SOX5: variants seen among roughly 807,000 people sequenced by gnomAD.
The protein encoded by SOX5 is transcription factor SOX-5.
Under a neutral mutation model 92.0 loss-of-function variants are expected in SOX5, and 9 were observed. The ratio of observed to expected loss-of-function variants is 0.10; its 90% CI spans 0.06 to 0.17. SOX5 has a LOEUF of 0.17. Among genes scored for constraint, SOX5 ranks in the 10% least tolerant of loss-of-function variants. The pLI is 1.00. For synonymous variants in SOX5, 344 were observed against 336.3 expected, an observed-to-expected ratio of 1.02 and a Z score of -0.25; for missense variants, 642 against 944.5, an observed-to-expected ratio of 0.68 and a Z score of 4.20.
intron 4 of SOX5, among the ~76,000 whole-genome samples, chr12:23,754,207 C>T (rs188413083): frequency 9.8e-4 from 149 of 151,356 alleles, no homozygotes; most frequent in Non-Finnish European, 1.9e-3. Flanking sequence ...TGAAGGAAAA[C>T]GAGGGAGGGG....
chr12:23,809,471 TA>T (rs908795511), intron 3 of SOX5, among the ~76,000 whole-genome samples: 1 of 151,872 alleles, frequency 6.6e-6, no homozygotes, highest in Middle Eastern at 3.4e-3. Flanking sequence ...ACATAAATTT[TA>T]AAAAAAATTA....
At chr12:23,550,822 G>C (rs1411917448) in intron 11 of SOX5, among the ~76,000 whole-genome samples, 1 of 151,818 alleles carries the variant, frequency 6.6e-6, no homozygotes, top group East Asian at 1.9e-4. Flanking sequence ...TTTTTGCAAA[G>C]GTTCTAATAG....
intron 7 of SOX5, among the ~76,000 whole-genome samples, chr12:23,652,373 A>G (rs1446577255): frequency 6.6e-6 from 1 of 151,990 alleles, no homozygotes; most frequent in Non-Finnish European, 1.5e-5. Flanking sequence ...AAATATTGGT[A>G]TTCCTTGGCG....
intron 4 of SOX5, among the ~76,000 whole-genome samples, chr12:23,992,142 A>G (rs1444279033): frequency 6.6e-6 from 1 of 152,138 alleles, no homozygotes; most frequent in East Asian, 1.9e-4. Flanking sequence ...CTAAAAATCT[A>G]CAGGTCAGTA....
chr12:24,425,787 C>G (rs79347318), intron 1 of SOX5, among the ~76,000 whole-genome samples: 1 of 152,254 alleles, frequency 6.6e-6, no homozygotes, highest in East Asian at 1.9e-4. Flanking sequence ...TGGTCCAAAC[C>G]TCTTCTTACA....
chr12:23,953,858 C>T (rs1243271331), upstream of SOX5, among the ~76,000 whole-genome samples: 2 of 151,984 alleles, frequency 1.3e-5, no homozygotes, highest in African/African-American at 2.4e-5. Context: ...ACTGCCGCAT[C>T]GGTATAATGG....
At chr12:24,036,393 G>A (rs1453955542) in intron 4 of SOX5, among the ~76,000 whole-genome samples, 2 of 152,086 alleles carry the variant, frequency 1.3e-5, no homozygotes, top group Non-Finnish European at 2.9e-5. Context: ...ATGCTCAAAT[G>A]TTTCTACAGT....
chr12:24,145,698 G>T (rs959428622), intron 4 of SOX5, among the ~76,000 whole-genome samples: 34 of 152,058 alleles, frequency 2.2e-4, no homozygotes, highest in African/African-American at 7.2e-4. Context: ...GTAGAGGCAG[G>T]GTTTCACTAC....
At chr12:23,951,614 T>G (rs1300393984), upstream of SOX5, among the ~76,000 whole-genome samples, 1 of 151,338 alleles carries the variant, frequency 6.6e-6, no homozygotes, top group Non-Finnish European at 1.5e-5. Context: ...AACTTAATAT[T>G]TAATTCTATC....
rs3112129 is a variant in SOX5 at position 24,540,351 on chromosome 12, A to C, written c.-251+21978T>G. Among the ~76,000 whole-genome samples the C allele has an allele frequency of 2.7e-3, 405 of 152,188 alleles. 3 individuals are homozygous for C. The highest frequency in any genetic ancestry group is 7.8e-3 in the African/African-American group (326 of 41,538). ...TTAAACAAACATACCTTGTCATCTA[A>C]GTTCAAATGTATTTTACCATGTTAA... On this transcript the variant is annotated intron_variant, in intron 1 of 4. Coordinates refer to the SOX5 transcript ENST00000446891.
intron 1 of SOX5, among the ~76,000 whole-genome samples, chr12:24,374,908 A>T (rs575780618): frequency 2.0e-5 from 3 of 152,268 alleles, no homozygotes; most frequent in African/African-American, 7.2e-5. Context: ...CAATTAAAAG[A>T]GGCATCATTG....
intron 3 of SOX5, among the ~76,000 whole-genome samples, chr12:24,268,422 T>A (rs1473631207): frequency 1.3e-5 from 2 of 152,034 alleles, no homozygotes; most frequent in African/African-American, 2.4e-5. Flanking sequence ...TGAAAGTATA[T>A]TAAAAAAAGG....
intron 4 of SOX5, among the ~76,000 whole-genome samples, chr12:24,173,176 G>A (rs1246197626): frequency 1.3e-5 from 2 of 152,124 alleles, no homozygotes; most frequent in Non-Finnish European, 2.9e-5. Context: ...TCGCACATGT[G>A]TACACTTGAG....
chr12:23,737,504 C>T (rs1445803729), intron 5 of SOX5, among the ~76,000 whole-genome samples: 2 of 152,138 alleles, frequency 1.3e-5, no homozygotes, highest in East Asian at 1.9e-4. Flanking sequence ...CACGCCATTG[C>T]ACTCCAGCCC....
chr12:24,543,324 A>T (rs932710363), intron 1 of SOX5, among the ~76,000 whole-genome samples: 2 of 152,266 alleles, frequency 1.3e-5, no homozygotes, highest in African/African-American at 4.8e-5. Context: ...TCAATAAAAA[A>T]GGTTTAAATG....
intron 4 of SOX5, among the ~76,000 whole-genome samples, chr12:24,130,098 A>G (rs1392317386): frequency 6.6e-6 from 1 of 152,216 alleles, no homozygotes; most frequent in Non-Finnish European, 1.5e-5. Context: ...GCAAGAAAAA[A>G]AAAGAATACA....
At chr12:24,254,229 T>C (rs185622171) in intron 3 of SOX5, among the ~76,000 whole-genome samples, 17 of 152,156 alleles carry the variant, frequency 1.1e-4, no homozygotes, top group African/African-American at 4.1e-4. Context: ...AATTTTTAAA[T>C]ATTCTTAACT....
intron 4 of SOX5, among the ~76,000 whole-genome samples, chr12:24,158,529 C>T (rs1384447258): frequency 1.3e-5 from 2 of 151,938 alleles, no homozygotes; most frequent in African/African-American, 4.8e-5. Flanking sequence ...TGCCATTAAA[C>T]GTAGCTTTGA....
At chr12:23,926,347 T>A (rs1939923940) in intron 1 of SOX5, among the ~76,000 whole-genome samples, 1 of 151,956 alleles carries the variant, frequency 6.6e-6, no homozygotes, top group African/African-American at 2.4e-5. Context: ...ATATATGTAG[T>A]AGGAAGGAAG....
Sources: gnomAD v4.1 joint callset for allele counts (sites outside exome capture counted in the v4.1 genomes callset) on GRCh38, gnomAD v4.1.1 for gene constraint, MANE v1.5 for transcripts, NCBI Gene and HGNC (gene_info 2026-07-23, HGNC 2026-07-21) for gene names.